TYMS: variants seen among roughly 807,000 people sequenced by gnomAD.
TYMS encodes the protein thymidylate synthase.
In TYMS, 21 loss-of-function variants were observed where a neutral mutation model predicts 39.3. The ratio of observed to expected loss-of-function variants is 0.54; its 90% CI spans 0.38 to 0.77. The LOEUF is 0.77. Ranked by LOEUF, TYMS falls within the 30% of genes least tolerant of loss-of-function variation. TYMS has a pLI of 0.00. For missense variants in TYMS, 273 were observed against 406.7 expected (o/e 0.67, Z 2.83); for synonymous variants, 171 against 162.2 (o/e 1.05, Z -0.41).
chr18:669,083 CAG>C lies in TYMS; in HGVS notation c.467_468del (p.Gln156ArgfsTer3). The C allele has an allele frequency of 1.9e-6, 3 of 1,613,886 alleles. No individual in the cohort carries two copies. The highest frequency in any genetic ancestry group is 2.5e-6 in the Non-Finnish European group (3 of 1,179,750). On this transcript the variant is annotated frameshift_variant, in exon 4 of 7. Coordinates refer to ENST00000323274, the MANE Select transcript of TYMS (RefSeq NM_001071.4). LOFTEE classifies it high-confidence loss of function. Reference protein sequence around the residue: ...YRDMESDYSGQGVDQLQRVID... With the variant: ...YRDMESDYSGXGVDQLQRVID... The stretch of plus-strand genomic sequence containing the variant: ...TGACAATTCTACAGATTATTCAGGA[CAG>C]GGAGTTGACCAACTGCAAAGAGTGA...
intron 3 of TYMS, among the ~76,000 whole-genome samples, chr18:667,529 A>AGATGGT (rs1332006193): frequency 1.2e-4 from 2 of 16,952 alleles, no homozygotes; most frequent in Admixed American, 4.9e-4. Flanking sequence ...ATGGTGATGG[A>AGATGGT]GATGGTGATG....
rs748095422 is a variant in TYMS, at chr18:672,921, A to G, written c.866A>G (p.Asp289Gly). ...ATTCTTCGAAAAGTTGAGAAAATTG[A>G]TGACTTCAAAGCTGAAGACTTTCAG... is the stretch of plus-strand genomic sequence containing the variant. ...LRILRKVEKI[D>G]DFKAEDFQIE... Residue 289 changes from aspartate to glycine, a missense_variant, in exon 7 of 7, where the codon GAT (aspartate) becomes GGT (glycine). Transcript: ENST00000323274. 20 of 1,598,970 alleles carry G rather than the reference A, an allele frequency of 1.3e-5. No homozygotes were observed. Among genetic ancestry groups the G allele is most frequent in the Non-Finnish European group, 1.5e-5 (18 of 1,168,258 alleles).
Position 670,792 on chromosome 18 carries a change from G to A in TYMS, c.657G>A (p.Met219Ile). 1 of 1,614,106 alleles carries A rather than the reference G, an allele frequency of 6.2e-7. No homozygotes were observed. The highest frequency in any genetic ancestry group is 8.5e-7 in the Non-Finnish European group (1 of 1,180,040). ...SCQLYQRSGD[M>I]GLGVPFNIAS... Reference sequence around the variant, plus strand: ...AGCTGTACCAGAGATCGGGAGACATGGGCCTCGGTGTGCCTTTCAACATCG... The same window carrying A: ...AGCTGTACCAGAGATCGGGAGACATAGGCCTCGGTGTGCCTTTCAACATCG... The change falls in exon 5 of 7, where the codon ATG (methionine) becomes ATA (isoleucine). Residue 219 changes from methionine (M) to isoleucine (I), a missense_variant. Coordinates refer to ENST00000323274, the MANE Select transcript of TYMS (RefSeq NM_001071.4).
At chr18:669,677 A>G (rs2074948014) in intron 4 of TYMS, among the ~76,000 whole-genome samples, 1 of 152,108 alleles carries the variant, frequency 6.6e-6, no homozygotes, top group Non-Finnish European at 1.5e-5. Flanking sequence ...TCTTACACCA[A>G]AAAGGGTTTT....
chr18:658,128 G>T lies in TYMS; in HGVS notation c.205+181G>T. On this transcript the variant is annotated intron_variant, in intron 1 of 6. Transcript: ENST00000323274. The surrounding 1 kb of genome is among the most constrained non-coding windows in gnomAD (Gnocchi z 4.5). The stretch of plus-strand genomic sequence containing the variant: ...CGAAACGGAGGGTCCCATTAGGGAC[G>T]TGACTGGCGCGGGCAACACACACAG... The T allele has an allele frequency of 6.3e-7, 1 of 1,587,678 alleles. No homozygotes were observed.
rs764943124 is a variant in TYMS at position 670,796 on chromosome 18, C to T, written c.661C>T (p.Leu221Phe). The T allele has an allele frequency of 6.2e-7, 1 of 1,613,980 alleles. No individual in the cohort carries two copies. The highest frequency in any genetic ancestry group is 8.5e-7 in the Non-Finnish European group (1 of 1,180,038). ...QLYQRSGDMG[L>F]GVPFNIASYA... Reference sequence around the variant, plus strand: ...GTACCAGAGATCGGGAGACATGGGCCTCGGTGTGCCTTTCAACATCGCCAG... The same window carrying T: ...GTACCAGAGATCGGGAGACATGGGCTTCGGTGTGCCTTTCAACATCGCCAG... Residue 221 changes from leucine (L) to phenylalanine (F), a missense_variant, in exon 5 of 7, where the codon CTC becomes TTC. Leu to Phe is a conservative substitution (Grantham distance 22). Coordinates refer to ENST00000323274, the MANE Select transcript of TYMS (RefSeq NM_001071.4).
chr18:657,797 G>A lies in TYMS; in HGVS notation c.55G>A (p.Glu19Lys), dbSNP rs891810079. 4 of 1,463,380 alleles carry A rather than the reference G, an allele frequency of 2.7e-6. No homozygotes were observed. The highest frequency in any genetic ancestry group is 3.6e-6 in the Non-Finnish European group (4 of 1,114,294). 90.6% of individuals were successfully genotyped at this position (1,463,380 alleles called of 1,614,324 possible). Residue 19 changes from glutamate to lysine, a missense_variant, in exon 1 of 7, where the codon GAG becomes AAG. Physicochemically the swap from Glu to Lys is moderately conservative, Grantham distance 56. This residue lies in a region of TYMS where 228 missense variants were observed against 326.1 expected (regional missense o/e 0.70). Transcript: ENST00000323274. ...PRRPLPPAAQ[E>K]RDAEPRPPHG... ...CCGGCCCTTGCCCCCCGCCGCACAG[G>A]AGCGGGACGCCGAGCCGCGTCCGCC... is the stretch of plus-strand genomic sequence containing the variant.
At chr18:659,487 G>A (rs943195317) in intron 1 of TYMS, among the ~76,000 whole-genome samples, 154 bp from the exon 2 acceptor site, 1 of 152,168 alleles carries the variant, frequency 6.6e-6, no homozygotes, top group Admixed American at 6.5e-5. Flanking sequence ...TGCAGCCTGG[G>A]AGCTCCACCG....
intron 3 of TYMS, among the ~76,000 whole-genome samples, chr18:666,537 G>A (rs1309135142): frequency 1.3e-5 from 2 of 152,194 alleles, no homozygotes; most frequent in Admixed American, 1.3e-4. Flanking sequence ...ACCTTGGAAT[G>A]TGGGGTTTGT....
chr18:667,493 TGATGGA>T (rs1567990797), intron 3 of TYMS, among the ~76,000 whole-genome samples: 9 of 32,792 alleles, frequency 2.7e-4, no homozygotes, highest in East Asian at 1.5e-3. Flanking sequence ...ATGGTGATGG[TGATGGA>T]GATGGTGATG....
chr18:667,394 AGATGGTGATGGTGATGGT>A (rs1567990495), intron 3 of TYMS, among the ~76,000 whole-genome samples: 6 of 5,982 alleles, frequency 1.0e-3, no homozygotes, highest in East Asian at 0.012. Flanking sequence ...ATGGTGATGG[AGATGGTGATGGTGATGGT>A]GATGGTGATG....
rs145707415 is a variant in TYMS, at chr18:658,999, C to G, written c.206-642C>G. Among the ~76,000 whole-genome samples, 41 of 152,300 alleles carry G rather than the reference C, an allele frequency of 2.7e-4. No homozygotes were observed. The East Asian group carries it at 7.9e-3, about 29-fold the overall frequency. ...ATCCACTTTTCTGCAGCTCCAAGCC[C>G]AGGGGCCTTTGATGAGCCATAGACC... On this transcript the variant is annotated intron_variant, in intron 1 of 6. Transcript: ENST00000323274. This position sits in a 1 kb window ranked among gnomAD's most constrained non-coding sequence, Gnocchi z 4.5.
intron 4 of TYMS, 30 bp from the exon 5 acceptor site, chr18:670,662 C>G (rs1174589850): frequency 1.9e-6 from 3 of 1,608,952 alleles, no homozygotes. Context: ...AACCACCATC[C>G]CTCCTTATCT....
At chr18:670,953 T>TA in intron 5 of TYMS, 86 bp downstream of exon 5, 1 of 1,458,752 alleles carries the variant, frequency 6.9e-7, no homozygotes, top group Non-Finnish European at 9.3e-7. Context: ...TTGCAGAGTT[T>TA]AGTCTCTGAT....
intron 3 of TYMS, 144 bp from the exon 4 acceptor site, chr18:668,928 C>T (rs563998570): frequency 1.2e-4 from 70 of 603,972 alleles, no homozygotes; most frequent in Non-Finnish European, 2.8e-5. Flanking sequence ...GATCTGCAAA[C>T]TTTGCAGGAT....
intron 3 of TYMS, among the ~76,000 whole-genome samples, chr18:666,462 G>A (rs563603515): frequency 5.0e-4 from 76 of 152,272 alleles, no homozygotes; most frequent in African/African-American, 1.8e-3. Context: ...CACTGTTGGT[G>A]TCACCTCTTA....
intron 3 of TYMS, among the ~76,000 whole-genome samples, chr18:667,233 A>C (rs200932742): frequency 3.1e-4 from 4 of 13,030 alleles, no homozygotes; most frequent in African/African-American, 2.2e-3. Flanking sequence ...ATGGTGATGG[A>C]GATGGAGATG....
At chr18:671,347 C>T in intron 5 of TYMS, 33 bp from the exon 6 acceptor site, 1 of 1,383,492 alleles carries the variant, frequency 7.2e-7, no homozygotes, top group Non-Finnish European at 1.0e-6. Context: ...TTGAAACTAA[C>T]ATACTGTTCT....
rs776504271 is a variant in TYMS at position 659,663 on chromosome 18, C to G, written c.228C>G (p.Thr76=). The change falls in exon 2 of 7, where the codon ACC becomes ACG. Residue 76 remains threonine, a synonymous_variant. Coordinates refer to ENST00000323274, the MANE Select transcript of TYMS (RefSeq NM_001071.4). ...CAGATGAATTCCCTCTGCTGACAAC[C>G]AAACGTGTGTTCTGGAAGGGTGTTT... ...SLRDEFPLLT[T]KRVFWKGVLE... is the part of the protein sequence containing the mutation. The G allele has an allele frequency of 1.9e-6, 3 of 1,614,186 alleles. No homozygotes were observed. The South Asian group carries it at 3.3e-5, about 18-fold the overall frequency.
Sources: allele counts gnomAD v4.1 joint callset (sites outside exome capture counted in the v4.1 genomes callset), GRCh38; gene constraint gnomAD v4.1.1; regional missense constraint gnomAD v4.1.1; non-coding constraint Gnocchi (gnomAD v3.1); transcripts MANE v1.5; gene names NCBI Gene and HGNC (gene_info 2026-07-23, HGNC 2026-07-21).